The following CTDSPL variants were observed in gnomAD, a reference collection of about 807,000 sequenced individuals.
CTDSPL encodes CTD small phosphatase-like protein.
CTDSPL carries 8 observed loss-of-function variants against 30.5 expected under a neutral mutation model. That is an observed-to-expected ratio of 0.26 (90% CI 0.15 to 0.47). CTDSPL has a LOEUF of 0.47. Ranked by LOEUF, CTDSPL falls within the 20% of genes least tolerant of loss-of-function variation. The probability of loss-of-function intolerance (pLI) is 0.99; values close to 1 mark genes in which losing one functional copy is unlikely to be tolerated. For missense variants in CTDSPL, 248 were observed against 366.1 expected (o/e 0.68, Z 2.63); for synonymous variants, 110 against 137.9 (o/e 0.80, Z 1.42).
At chr3:37,948,938 A>G (rs1230998385) in intron 2 of CTDSPL, among the ~76,000 whole-genome samples, 1 of 148,088 alleles carries the variant, frequency 6.8e-6, no homozygotes, top group Non-Finnish European at 1.5e-5. Flanking sequence ...CTCCTGCCTC[A>G]GCCTCCCGAG....
At position 37,891,897 on chromosome 3, in the gene CTDSPL, TACATGTACAC is replaced by T. The variant is rs1277460340; in HGVS notation, c.79+29624_79+29633del. On this transcript the variant is annotated intron_variant, in intron 1 of 7. Transcript: ENST00000273179. ...ATATGTGTGTGTACATACATGTACA[TACATGTACAC>T]ACATATATATGTGCTTATGTACTTT... 1.7e-4 allele frequency among the ~76,000 whole-genome samples: 26 copies of T among 151,874 alleles called. No homozygotes were observed. In the East Asian group the frequency reaches 4.8e-3, roughly 28 times the overall value.
At chr3:37,881,521 T>G (rs924724726) in intron 1 of CTDSPL, among the ~76,000 whole-genome samples, 11 of 152,116 alleles carry the variant, frequency 7.2e-5, no homozygotes, top group Non-Finnish European at 1.3e-4. Flanking sequence ...AGTGCGAGAC[T>G]CCGTCTCAAA....
intron 1 of CTDSPL, among the ~76,000 whole-genome samples, chr3:37,909,839 G>A (rs930918286): frequency 3.3e-5 from 5 of 152,208 alleles, no homozygotes; most frequent in African/African-American, 1.2e-4. Context: ...GGATTGTGGT[G>A]CCCATGAACT....
chr3:37,889,679 G>GA (rs1698302715), intron 1 of CTDSPL, among the ~76,000 whole-genome samples: 1 of 152,002 alleles, frequency 6.6e-6, no homozygotes, highest in African/African-American at 2.4e-5. Context: ...ACAATGAATG[G>GA]AAAAAATTAG....
intron 1 of CTDSPL, among the ~76,000 whole-genome samples, chr3:37,925,331 G>A (rs1034860222): frequency 6.6e-6 from 1 of 152,156 alleles, no homozygotes; most frequent in Admixed American, 6.5e-5. Context: ...TCTAGAAGCT[G>A]TTCTTTTCCT....
intron 1 of CTDSPL, among the ~76,000 whole-genome samples, chr3:37,930,818 G>GCTGTCTATT (rs1290496893): frequency 6.6e-6 from 1 of 152,120 alleles, no homozygotes; most frequent in Non-Finnish European, 1.5e-5. Context: ...TTATTGTGTT[G>GCTGTCTATT]CTGTCTATTT....
chr3:37,926,067 G>A (rs992278294), intron 1 of CTDSPL, among the ~76,000 whole-genome samples: 3 of 152,186 alleles, frequency 2.0e-5, no homozygotes, highest in Admixed American at 2.0e-4. Context: ...GCAAGTGTTG[G>A]ATGAATTCAC....
chr3:37,929,881 G>A (rs551105830), intron 1 of CTDSPL, among the ~76,000 whole-genome samples: 48 of 152,288 alleles, frequency 3.2e-4, no homozygotes, highest in African/African-American at 1.1e-3. Context: ...GCTGATGCAG[G>A]TGGATCACTT....
chr3:37,981,696 C>G lies in CTDSPL; in HGVS notation c.*829C>G, dbSNP rs974997838. 4 of 366,966 alleles carry G rather than the reference C, an allele frequency of 1.1e-5. No individual in the cohort carries two copies. Among genetic ancestry groups the G allele is most frequent in the African/African-American group, 8.5e-5 (4 of 47,304 alleles). 22.7% of individuals were successfully genotyped at this position (366,966 alleles called of 1,614,324 possible). On this transcript the variant is annotated 3_prime_UTR_variant, in exon 8 of 8. Coordinates refer to ENST00000273179, the MANE Select transcript of CTDSPL (RefSeq NM_001008392.2). ...AAAGTGACATCCTGTCACTTCTGCT[C>G]TCACACTACTGCCATACATTTGTGT... is the stretch of plus-strand genomic sequence containing the variant.
chr3:37,893,079 G>A (rs528099478), intron 1 of CTDSPL, among the ~76,000 whole-genome samples: 8 of 152,338 alleles, frequency 5.3e-5, no homozygotes, highest in Admixed American at 3.9e-4. Flanking sequence ...CCATTGTGCA[G>A]GCATGTGCCA....
At chr3:37,971,545 G>A (rs866619093) in intron 6 of CTDSPL, 46 bp downstream of exon 6, 1 of 1,543,058 alleles carries the variant, frequency 6.5e-7, no homozygotes, top group Middle Eastern at 1.7e-4. Context: ...GGTACTCCCA[G>A]CCCCTCCACC....
At chr3:37,877,982 T>C (rs1698157889) in intron 1 of CTDSPL, among the ~76,000 whole-genome samples, 1 of 152,102 alleles carries the variant, frequency 6.6e-6, no homozygotes, top group African/African-American at 2.4e-5. Context: ...CAACATGAAA[T>C]GTGGAGGGGA....
chr3:37,882,257 A>G (rs1180737918), intron 1 of CTDSPL, among the ~76,000 whole-genome samples: 2 of 152,062 alleles, frequency 1.3e-5, no homozygotes, highest in African/African-American at 2.4e-5. Context: ...CCTGGCTAAC[A>G]TGGTAAAACC....
At chr3:37,878,971 G>A (rs184278947) in intron 1 of CTDSPL, among the ~76,000 whole-genome samples, 92 of 152,266 alleles carry the variant, frequency 6.0e-4, no homozygotes, top group Non-Finnish European at 5.7e-4. Context: ...AAAAATAAAT[G>A]TACTGAAGCC....
chr3:37,866,421 A>T (rs531174926), intron 1 of CTDSPL, among the ~76,000 whole-genome samples: 1 of 152,346 alleles, frequency 6.6e-6, no homozygotes, highest in South Asian at 2.1e-4. Flanking sequence ...CTCTGGGAGA[A>T]GACTGGACAA....
intron 1 of CTDSPL, among the ~76,000 whole-genome samples, chr3:37,906,231 C>T (rs1392841126): frequency 6.6e-6 from 1 of 152,154 alleles, no homozygotes; most frequent in Non-Finnish European, 1.5e-5. Context: ...GTATTGATTT[C>T]TCCTGGCTCC....
chr3:37,890,157 T>C (rs1698308453), intron 1 of CTDSPL, among the ~76,000 whole-genome samples: 1 of 152,144 alleles, frequency 6.6e-6, no homozygotes, highest in African/African-American at 2.4e-5. Context: ...ATTTGGAAAA[T>C]CACACATGTG....
Position 37,919,905 on chromosome 3 carries a change from C to G in CTDSPL, c.80-27152C>G, listed in dbSNP as rs139211908. Among the ~76,000 whole-genome samples the G allele has an allele frequency of 9.4e-3, 1,433 of 152,122 alleles. 20 individuals are homozygous for G. Among genetic ancestry groups the G allele is most frequent in the Non-Finnish European group, 0.013 (897 of 67,996 alleles). ...GGGAAATGGCTAGAAGGTCAGGAGC[C>G]CAGAGAGCTAATTTTAAAGGATAGG... On this transcript the variant is annotated intron_variant, in intron 1 of 7. Coordinates refer to ENST00000273179, the MANE Select transcript of CTDSPL (RefSeq NM_001008392.2).
In CTDSPL at chr3:37,862,152, T is replaced by G; in HGVS notation, c.-48T>G. ...CCCCCGCGCCGCGCCCCCGCGCGCTTGGCTTGCGGGGGGCCGGGCCTGCGG... is the reference window on the plus strand; with the variant it reads ...CCCCCGCGCCGCGCCCCCGCGCGCTGGGCTTGCGGGGGGCCGGGCCTGCGG... On this transcript the variant is annotated 5_prime_UTR_variant, in exon 1 of 8. Coordinates refer to ENST00000273179, the MANE Select transcript of CTDSPL (RefSeq NM_001008392.2). The surrounding 1 kb of genome is among the most constrained non-coding windows in gnomAD (Gnocchi z 4.3). 1.0e-6 allele frequency: 1 copy of G among 959,348 alleles called. No homozygotes were observed. Among genetic ancestry groups the G allele is most frequent in the Non-Finnish European group, 1.2e-6 (1 of 807,576 alleles). The allele number at this position is 959,348 out of a possible 1,614,324, so 59.4% of individuals were successfully genotyped here. A position where few individuals can be genotyped will look rare whatever the true frequency, so the allele number is the denominator to read the frequency against.
Sources: gnomAD v4.1 joint callset for allele counts (sites outside exome capture counted in the v4.1 genomes callset) on GRCh38, gnomAD v4.1.1 for gene constraint, Gnocchi (gnomAD v3.1) non-coding constraint, MANE v1.5 for transcripts, NCBI Gene and HGNC (gene_info 2026-07-23, HGNC 2026-07-21) for gene names.